RNF214: variants seen among roughly 807,000 people sequenced by gnomAD.
The protein encoded by RNF214 is ring finger protein 214.
Under a neutral mutation model 75.9 loss-of-function variants are expected in RNF214, and 25 were observed. The observed-to-expected ratio is 0.33, with a 90% CI of 0.24 to 0.46. RNF214 has a LOEUF of 0.46. Ranked by LOEUF, RNF214 falls within the 20% of genes least tolerant of loss-of-function variation. The pLI, the probability that RNF214 is intolerant of heterozygous loss-of-function variation, is 1.00. For synonymous variants in RNF214, 314 were observed against 308.8 expected, an observed-to-expected ratio of 1.02 and a Z score of -0.18; for missense variants, 725 against 857.5, an observed-to-expected ratio of 0.85 and a Z score of 1.93.
intron 6 of RNF214, among the ~76,000 whole-genome samples, chr11:117,271,893 G>T (rs1208339454): frequency 6.6e-6 from 1 of 152,112 alleles, no homozygotes; most frequent in African/African-American, 2.4e-5. Context: ...GCTCACTGTA[G>T]CCTCTACCTC....
chr11:117,261,031 A>G (rs1328136957), intron 6 of RNF214, among the ~76,000 whole-genome samples: 2 of 151,824 alleles, frequency 1.3e-5, no homozygotes, highest in Non-Finnish European at 2.9e-5. Flanking sequence ...TAAACCTTTT[A>G]TTTCTTATAA....
At chr11:117,284,823 G>A (rs1404515897) in intron 14 of RNF214, among the ~76,000 whole-genome samples, 8 of 152,052 alleles carry the variant, frequency 5.3e-5, no homozygotes, top group African/African-American at 1.2e-4. Flanking sequence ...CCAGCTACTC[G>A]GGAGGCTGAG....
rs960435568 is a variant in RNF214 at position 117,246,941 on chromosome 11, G to A, written c.952G>A (p.Gly318Ser). The A allele has an allele frequency of 1.2e-6, 2 of 1,607,940 alleles. No individual in the cohort carries two copies. Among genetic ancestry groups the A allele is most frequent in the Non-Finnish European group, 1.7e-6 (2 of 1,177,700 alleles). Residue 318 changes from glycine (G) to serine (S), a missense_variant, in exon 6 of 15, where the codon GGC (glycine) becomes AGC (serine). Transcript: ENST00000300650. ...TGAAATTGAGAAGCTTTGTGAGAAG[G>A]GCAGAAGGTAACTGATGTTAAGAAT... ...KAEIEKLCEK[G>S]RREVWEMELD...
intron 6 of RNF214, among the ~76,000 whole-genome samples, chr11:117,271,714 A>G (rs554115111): frequency 6.6e-6 from 1 of 152,218 alleles, no homozygotes; most frequent in Non-Finnish European, 1.5e-5. Context: ...ATAGTGTACT[A>G]GGAGTTGATC....
At chr11:117,257,762 A>G (rs2033558280) in intron 6 of RNF214, among the ~76,000 whole-genome samples, 1 of 152,240 alleles carries the variant, frequency 6.6e-6, no homozygotes, top group African/African-American at 2.4e-5. Flanking sequence ...TGCATTTTCC[A>G]AAGGAAGAGG....
chr11:117,259,920 C>T (rs2033616894), intron 6 of RNF214, among the ~76,000 whole-genome samples: 1 of 152,038 alleles, frequency 6.6e-6, no homozygotes, highest in South Asian at 2.1e-4. Context: ...ATGTCTAATT[C>T]ATTAAAACTT....
intron 8 of RNF214, among the ~76,000 whole-genome samples, chr11:117,280,828 G>A (rs138261622): frequency 3.9e-5 from 6 of 152,068 alleles, no homozygotes; most frequent in Non-Finnish European, 8.8e-5. Flanking sequence ...TCTGTTGTTG[G>A]TTCTCTTTCT....
chr11:117,243,147 A>AATTAATTT (rs1555052423), intron 4 of RNF214, among the ~76,000 whole-genome samples: 2 of 150,342 alleles, frequency 1.3e-5, no homozygotes, highest in South Asian at 2.1e-4. Context: ...TTAATTAATT[A>AATTAATTT]ATTTATTTAT....
chr11:117,240,333 C>G (rs909718389), intron 4 of RNF214, among the ~76,000 whole-genome samples: 1 of 142,354 alleles, frequency 7.0e-6, no homozygotes, highest in Non-Finnish European at 1.5e-5. Flanking sequence ...CGTGATTGTG[C>G]GATTGTACTG....
At chr11:117,241,704 C>G (rs1206752293) in intron 4 of RNF214, among the ~76,000 whole-genome samples, 1 of 152,034 alleles carries the variant, frequency 6.6e-6, no homozygotes, top group Non-Finnish European at 1.5e-5. Flanking sequence ...CTCTTATTCT[C>G]TTACTCCCCA....
At chr11:117,278,476 A>G (rs1445300707) in intron 6 of RNF214, among the ~76,000 whole-genome samples, 1 of 152,212 alleles carries the variant, frequency 6.6e-6, no homozygotes, top group Non-Finnish European at 1.5e-5. Flanking sequence ...ATATAAGGAA[A>G]TTCCTTTGCT....
intron 4 of RNF214, among the ~76,000 whole-genome samples, chr11:117,243,150 T>TAA (rs1311496464): frequency 2.0e-4 from 30 of 151,750 alleles, no homozygotes; most frequent in African/African-American, 5.8e-4. Flanking sequence ...ATTAATTAAT[T>TAA]TATTTATTTA....
chr11:117,245,594 G>A (rs1197407999), intron 5 of RNF214, among the ~76,000 whole-genome samples: 2 of 151,706 alleles, frequency 1.3e-5, no homozygotes, highest in African/African-American at 4.8e-5. Flanking sequence ...CACCTGCCTC[G>A]GCCCCCCAAA....
intron 6 of RNF214, among the ~76,000 whole-genome samples, chr11:117,250,380 T>C (rs2033338881): frequency 6.6e-6 from 1 of 152,340 alleles, no homozygotes; most frequent in Non-Finnish European, 1.5e-5. Context: ...GTATTTTGGG[T>C]GTATAAACCC....
In RNF214 at chr11:117,281,362, G is replaced by A; in HGVS notation, c.1194G>A (p.Glu398=). 1 of 1,613,654 alleles carries A rather than the reference G, an allele frequency of 6.2e-7. No homozygotes were observed. The highest frequency in any genetic ancestry group is 8.5e-7 in the Non-Finnish European group (1 of 1,179,710). Residue 398 remains glutamate (E), a synonymous_variant, in exon 9 of 15, where the codon GAG becomes GAA. Transcript: ENST00000300650. ...CAGTTCGTTCCAAACAGGAGTGGGA[G>A]ACGAGACTGAATGGAGTTCGGATAA... ...LETVRSKQEW[E]TRLNGVRIMK... is the part of the protein sequence containing the mutation.
chr11:117,258,346 C>T (rs966796321), intron 6 of RNF214, among the ~76,000 whole-genome samples: 5 of 152,124 alleles, frequency 3.3e-5, no homozygotes, highest in Admixed American at 6.5e-5. Flanking sequence ...GATTTACAGG[C>T]GTGAGCCACC....
chr11:117,242,586 C>G (rs148626500), intron 4 of RNF214, among the ~76,000 whole-genome samples: 81 of 152,320 alleles, frequency 5.3e-4, no homozygotes, highest in African/African-American at 1.7e-3. Context: ...GGTGCAGTGG[C>G]TCACACCTGT....
intron 6 of RNF214, among the ~76,000 whole-genome samples, chr11:117,258,516 A>G (rs77096386): frequency 0.031 from 4,750 of 152,204 alleles, 122 homozygotes; most frequent in South Asian, 0.081. Context: ...ACATGTACAT[A>G]ATTAATTAGA....
intron 6 of RNF214, among the ~76,000 whole-genome samples, chr11:117,277,106 G>A (rs186175692): frequency 1.8e-4 from 28 of 152,292 alleles, no homozygotes; most frequent in Middle Eastern, 3.4e-3. Flanking sequence ...ACTTTGGGAG[G>A]CTGAGGCTGG....
Sources: gnomAD v4.1 joint callset for allele counts (sites outside exome capture counted in the v4.1 genomes callset) on GRCh38, gnomAD v4.1.1 for gene constraint, MANE v1.5 for transcripts, NCBI Gene and HGNC (gene_info 2026-07-23, HGNC 2026-07-21) for gene names.